CDK19: variants seen among roughly 807,000 people sequenced by gnomAD.
CDK19 encodes cyclin dependent kinase 19, also known as cyclin-dependent kinase 19.
Under a neutral mutation model 68.3 loss-of-function variants are expected in CDK19, and 20 were observed. That is an observed-to-expected ratio of 0.29 (90% CI 0.21 to 0.43). The LOEUF (loss-of-function observed/expected upper bound fraction) is 0.43. CDK19 is among the 20% of genes least tolerant of loss of function. The probability of loss-of-function intolerance (pLI) is 1.00; values close to 1 mark genes in which losing one functional copy is unlikely to be tolerated. For missense variants in CDK19, 339 were observed against 623.5 expected (o/e 0.54, Z 4.86); for synonymous variants, 221 against 222.8 (o/e 0.99, Z 0.07).
At chr6:110,783,280 T>C (rs1000469783) in intron 1 of CDK19, among the ~76,000 whole-genome samples, 4 of 152,150 alleles carry the variant, frequency 2.6e-5, no homozygotes, top group African/African-American at 9.7e-5. Context: ...TGTAATAGCT[T>C]TACTTCAAGT....
intron 1 of CDK19, among the ~76,000 whole-genome samples, chr6:110,777,497 G>T (rs802664): frequency 0.16 from 23,784 of 152,084 alleles, 2,073 homozygotes; most frequent in East Asian, 0.32. Flanking sequence ...AATAAGAAGG[G>T]TTGGTGAGGA....
At chr6:110,614,784 C>G in intron 12 of CDK19, 118 bp from the exon 13 acceptor site, 1 of 932,802 alleles carries the variant, frequency 1.1e-6, no homozygotes, top group Non-Finnish European at 1.6e-6. Context: ...TTCAGACACA[C>G]ATAGCTGACA....
intron 4 of CDK19, among the ~76,000 whole-genome samples, chr6:110,640,585 T>C (rs191460191): frequency 6.6e-6 from 1 of 152,258 alleles, no homozygotes; most frequent in Non-Finnish European, 1.5e-5. Context: ...GTGCCTTTCA[T>C]GGACACAGAA....
chr6:110,661,699 C>A (rs544879861), intron 4 of CDK19, among the ~76,000 whole-genome samples: 1 of 152,112 alleles, frequency 6.6e-6, no homozygotes, highest in Non-Finnish European at 1.5e-5. Flanking sequence ...TCGGATAGAC[C>A]TCTAATAGAA....
At chr6:110,720,194 G>C (rs1223596376) in intron 2 of CDK19, among the ~76,000 whole-genome samples, 1 of 152,102 alleles carries the variant, frequency 6.6e-6, no homozygotes, top group East Asian at 1.9e-4. Context: ...CTCTGCAATA[G>C]AAAATAACCT....
intron 4 of CDK19, among the ~76,000 whole-genome samples, chr6:110,651,240 T>TCTAC (rs1446021068): frequency 6.6e-6 from 1 of 150,762 alleles, no homozygotes; most frequent in East Asian, 1.9e-4. Flanking sequence ...CTACTATCTA[T>TCTAC]CTATCTATCT....
At chr6:110,671,222 G>A (rs542292385) in intron 2 of CDK19, among the ~76,000 whole-genome samples, 17 of 152,180 alleles carry the variant, frequency 1.1e-4, no homozygotes, top group African/African-American at 3.6e-4. Context: ...CGATATGTAG[G>A]AAAGATAGAC....
chr6:110,800,724 GA>G (rs1782284727), intron 1 of CDK19, among the ~76,000 whole-genome samples: 1 of 152,100 alleles, frequency 6.6e-6, no homozygotes, highest in Non-Finnish European at 1.5e-5. Context: ...AATTGGCACA[GA>G]AAAAGCATGT....
chr6:110,618,882 T>C (rs1778527397), intron 12 of CDK19, among the ~76,000 whole-genome samples: 1 of 152,232 alleles, frequency 6.6e-6, no homozygotes, highest in Non-Finnish European at 1.5e-5. Context: ...GTAATAAATC[T>C]GCCTTTCTTT....
chr6:110,659,362 T>C (rs1235186716), intron 4 of CDK19, among the ~76,000 whole-genome samples: 1 of 152,246 alleles, frequency 6.6e-6, no homozygotes, highest in African/African-American at 2.4e-5. Flanking sequence ...TTTGCATACA[T>C]AGTATTAGAC....
intron 2 of CDK19, among the ~76,000 whole-genome samples, chr6:110,692,806 G>A (rs1001965287): frequency 5.3e-5 from 8 of 152,174 alleles, no homozygotes; most frequent in Non-Finnish European, 2.9e-5. Flanking sequence ...AGACCAGCCT[G>A]GCCAACATGG....
At position 110,663,548 on chromosome 6, in the gene CDK19, C is replaced by T. The variant is rs79620796; in HGVS notation, c.456+3886G>A. 9.3e-3 allele frequency among the ~76,000 whole-genome samples: 1,396 copies of T among 150,142 alleles called. 23 individuals carry two copies. Among genetic ancestry groups the T allele is most frequent in the African/African-American group, 0.033 (1,332 of 40,666 alleles). Reference sequence around the variant, plus strand: ...GGTTCAAAGTTTCTTTTTCTTCAGACAGGGTCTCAATTTGTTGCCCAAGGC... The same window carrying T: ...GGTTCAAAGTTTCTTTTTCTTCAGATAGGGTCTCAATTTGTTGCCCAAGGC... On this transcript the variant is annotated intron_variant, in intron 4 of 12. Coordinates refer to ENST00000368911, the MANE Select transcript of CDK19 (RefSeq NM_015076.5).
intron 1 of CDK19, among the ~76,000 whole-genome samples, chr6:110,753,875 A>C (rs1381227247): frequency 2.0e-5 from 3 of 152,126 alleles, no homozygotes; most frequent in Non-Finnish European, 2.9e-5. Context: ...TAATTAGGAT[A>C]TGTTGATAAT....
At chr6:110,678,775 A>C (rs1276639934) in intron 2 of CDK19, among the ~76,000 whole-genome samples, 2 of 152,242 alleles carry the variant, frequency 1.3e-5, no homozygotes, top group African/African-American at 4.8e-5. Context: ...ATTCTAGAGA[A>C]GCTATTTTAC....
intron 4 of CDK19, among the ~76,000 whole-genome samples, chr6:110,663,173 T>C (rs562220664): frequency 6.6e-6 from 1 of 152,320 alleles, no homozygotes; most frequent in South Asian, 2.1e-4. Flanking sequence ...AATTTAGAGA[T>C]GGTGAGCACT....
At chr6:110,721,723 T>C (rs904487122) in intron 2 of CDK19, among the ~76,000 whole-genome samples, 1 of 152,062 alleles carries the variant, frequency 6.6e-6, no homozygotes, top group Non-Finnish European at 1.5e-5. Context: ...CCCAGCACTT[T>C]TGGAGGCCGA....
intron 1 of CDK19, among the ~76,000 whole-genome samples, chr6:110,803,326 G>A (rs1018913255): frequency 1.3e-5 from 2 of 152,130 alleles, no homozygotes; most frequent in African/African-American, 2.4e-5. Context: ...TGATCCACCC[G>A]CCTTGGCCTC....
Position 110,621,262 on chromosome 6 carries a change from C to T in CDK19, c.1219G>A (p.Gly407Arg), listed in dbSNP as rs773360002. The T allele has an allele frequency of 3.7e-6, 6 of 1,613,168 alleles. 1 individual carries two copies. The Admixed American group carries it at 5.0e-5, about 13-fold the overall frequency. ...CCGGCCCCAGCCCCACCTGCGGTCC[C>T]GTTGGTCTGGGTGCTGTTCTGCTGT... ...PPQQNSTQTNGTAGGAGAGVG... is the reference protein window; with the variant it reads ...PPQQNSTQTNRTAGGAGAGVG... Residue 407 changes from glycine (G) to arginine (R), a missense_variant, in exon 12 of 13, where the codon GGG (glycine) becomes AGG (arginine). This residue lies in a region of CDK19 where 155 missense variants were observed against 222.7 expected (regional missense o/e 0.70). Transcript: ENST00000368911. The surrounding 1 kb of genome is among the most constrained non-coding windows in gnomAD (Gnocchi z 5.4).
At chr6:110,645,206 G>A (rs1780473574) in intron 4 of CDK19, among the ~76,000 whole-genome samples, 1 of 152,100 alleles carries the variant, frequency 6.6e-6, no homozygotes, top group Non-Finnish European at 1.5e-5. Context: ...TCATATACTA[G>A]CAGGTCTCAA....
Sources: gnomAD v4.1 joint callset for allele counts (sites outside exome capture counted in the v4.1 genomes callset) on GRCh38, gnomAD v4.1.1 for gene constraint, gnomAD v4.1.1 regional missense constraint, Gnocchi (gnomAD v3.1) non-coding constraint, MANE v1.5 for transcripts, NCBI Gene and HGNC (gene_info 2026-07-23, HGNC 2026-07-21) for gene names.